TMEM150B: variants seen among roughly 807,000 people sequenced by gnomAD.
The protein encoded by TMEM150B is modulator of macroautophagy TMEM150B.
TMEM150B carries 33 observed loss-of-function variants against 25.2 expected under a neutral mutation model. That is an observed-to-expected ratio of 1.31 (90% CI 0.99 to 1.75). The LOEUF (loss-of-function observed/expected upper bound fraction) is 1.75. Among genes scored for constraint, TMEM150B ranks in the 40% most tolerant of loss-of-function variants. The pLI, the probability that TMEM150B is intolerant of heterozygous loss-of-function variation, is 0.00. For synonymous variants in TMEM150B, 133 were observed against 134.8 expected, an observed-to-expected ratio of 0.99 and a Z score of 0.09; for missense variants, 322 against 306.1, an observed-to-expected ratio of 1.05 and a Z score of -0.39.
chr19:55,320,006 C>CGGGACAGACCCTGGGCGCCGACT, intron 6 of TMEM150B, 33 bp downstream of exon 6: 2 of 1,613,538 alleles, frequency 1.2e-6, no homozygotes, highest in Non-Finnish European at 1.7e-6. Flanking sequence ...AGACGCCGGC[C>CGGGACAGACCCTGGGCGCCGACT]GGGACAGACC....
chr19:55,319,647 T>C (rs527254257), intron 6 of TMEM150B: 2 of 650,150 alleles, frequency 3.1e-6, no homozygotes, highest in South Asian at 1.1e-4. Flanking sequence ...GGTTTCACCA[T>C]GTTGGTTGGC....
downstream of TMEM150B, chr19:55,312,563 G>GATA (rs915859703): frequency 4.5e-4 from 41 of 92,108 alleles, no homozygotes; most frequent in Non-Finnish European, 7.8e-4. Context: ...AAAAAAAAAA[G>GATA]ATAATAATAA....
intron 6 of TMEM150B, among the ~76,000 whole-genome samples, chr19:55,318,442 G>A (rs940179237): frequency 3.3e-5 from 5 of 152,124 alleles, no homozygotes; most frequent in Middle Eastern, 3.4e-3. Context: ...GACCAGCCTG[G>A]CCAATATGGT....
chr19:55,321,957 C>A (rs2089217915), intron 2 of TMEM150B, among the ~76,000 whole-genome samples: 1 of 152,196 alleles, frequency 6.6e-6, no homozygotes, highest in Non-Finnish European at 1.5e-5. Context: ...GTTCCCCAGG[C>A]AGGCTGAGCA....
intron 6 of TMEM150B, among the ~76,000 whole-genome samples, chr19:55,318,842 C>T (rs576396507): frequency 6.6e-6 from 1 of 152,302 alleles, no homozygotes; most frequent in Non-Finnish European, 1.5e-5. Flanking sequence ...ACTCTGTTCA[C>T]CAGGCTGGAG....
At position 55,324,388 on chromosome 19, in the gene TMEM150B, G is replaced by A. The variant is rs538187415; in HGVS notation, c.-154+884C>T. On this transcript the variant is annotated intron_variant, in intron 1 of 7. Transcript: ENST00000326652. ...TGGGTGGCCGGGCATGGTGGCTCAC[G>A]CCTGCAATCCCAGCACTTTGGGAGG... 3.3e-5 allele frequency among the ~76,000 whole-genome samples: 5 copies of A among 151,798 alleles called. No individual in the cohort carries two copies. In the East Asian group the frequency reaches 5.9e-4, roughly 18 times the overall value.
chr19:55,309,861 A>T (rs939700104), downstream of TMEM150B, among the ~76,000 whole-genome samples: 2 of 152,212 alleles, frequency 1.3e-5, no homozygotes, highest in African/African-American at 4.8e-5. Flanking sequence ...CAGGGGACAC[A>T]GTGAAACAGG....
At chr19:55,321,116 G>C in intron 2 of TMEM150B, 23 bp from the exon 3 acceptor site, 1 of 1,522,268 alleles carries the variant, frequency 6.6e-7, no homozygotes, top group South Asian at 1.3e-5. Flanking sequence ...CCCTCAAGGA[G>C]GGCCCAGGTG....
downstream of TMEM150B, among the ~76,000 whole-genome samples, chr19:55,311,119 A>G (rs377571862): frequency 1.1e-4 from 16 of 151,854 alleles, no homozygotes; most frequent in South Asian, 3.3e-3. Context: ...GTGCCACCAC[A>G]CCCGGCTAAT....
At position 55,320,597 on chromosome 19, in the gene TMEM150B, T is replaced by C; in HGVS notation, c.89A>G (p.Asn30Ser). ...GCCTTTACTGAGGTCCACAGTCCTG[T>C]TGGTCACTGCAATGGCAAAACTACG... is the stretch of plus-strand genomic sequence containing the variant. Reference protein sequence around the residue: ...VWIVFAIAVTNRTVDLSKGFP... With the variant: ...VWIVFAIAVTSRTVDLSKGFP... Residue 30 changes from asparagine (N) to serine (S), a missense_variant, in exon 4 of 8, where the codon AAC becomes AGC. Coordinates refer to ENST00000326652, the MANE Select transcript of TMEM150B (RefSeq NM_001282011.2). The C allele has an allele frequency of 1.9e-6, 3 of 1,613,864 alleles. No individual in the cohort carries two copies. Among genetic ancestry groups the C allele is most frequent in the Non-Finnish European group, 2.5e-6 (3 of 1,179,946 alleles).
intron 6 of TMEM150B, among the ~76,000 whole-genome samples, chr19:55,318,280 T>A (rs756688825): frequency 3.3e-5 from 5 of 152,100 alleles, no homozygotes; most frequent in Non-Finnish European, 7.3e-5. Context: ...GAGAATCACT[T>A]GAGCCCGGGA....
chr19:55,318,073 G>A (rs1003972569), intron 6 of TMEM150B, among the ~76,000 whole-genome samples: 8 of 151,982 alleles, frequency 5.3e-5, no homozygotes, highest in African/African-American at 1.9e-4. Flanking sequence ...ATAATAATAG[G>A]TTGAGGGCTG....
intron 2 of TMEM150B, 143 bp from the exon 3 acceptor site, chr19:55,321,236 C>T (rs940185820): frequency 3.3e-6 from 4 of 1,227,334 alleles, no homozygotes; most frequent in Non-Finnish European, 4.3e-6. Context: ...ATTTCCCCAC[C>T]TATCCCGCAG....
At chr19:55,325,001 G>T in intron 1 of TMEM150B, 1 of 437,826 alleles carries the variant, frequency 2.3e-6, no homozygotes, top group Non-Finnish European at 3.0e-6. Context: ...CTCCTGCCCT[G>T]CCCTGTCCTG....
In TMEM150B at chr19:55,313,024, G is replaced by A. The variant is rs779956835; in HGVS notation, c.537C>T (p.Ser179=). The A allele has an allele frequency of 2.5e-6, 4 of 1,613,008 alleles. No homozygotes were observed. The highest frequency in any genetic ancestry group is 2.2e-5 in the East Asian group (1 of 44,880). ...MIVLHACSLR[S]VSAACEWVVA... is the part of the protein sequence containing the mutation. ...CGACCCACTCGCAGGCCGCAGAGAC[G>A]CTACGCAGCGAGCAGGCGTGGAGGA... The change falls in exon 8 of 8, where the codon AGC becomes AGT. Residue 179 remains serine (S), a synonymous_variant. Transcript: ENST00000326652.
At chr19:55,310,295 C>T (rs1173510466), downstream of TMEM150B, among the ~76,000 whole-genome samples, 3 of 152,146 alleles carry the variant, frequency 2.0e-5, no homozygotes, top group Non-Finnish European at 4.4e-5. The surrounding 1 kb of genome is among the most constrained non-coding windows in gnomAD (Gnocchi z 5.0). Context: ...TGTTCCAGTT[C>T]CTAGGCGCTC....
chr19:55,312,505 GCGTC>G (rs1184957652), downstream of TMEM150B: 1 of 161,538 alleles, frequency 6.2e-6, no homozygotes, highest in Non-Finnish European at 1.1e-5. Flanking sequence ...GATCCTGCCT[GCGTC>G]CGTGTCTCTG....
chr19:55,320,358 G>A (rs757320006), intron 5 of TMEM150B, 33 bp downstream of exon 5: 13 of 1,515,360 alleles, frequency 8.6e-6, no homozygotes, highest in Admixed American at 6.8e-5. Context: ...CTGGGCTTGG[G>A]AGCACTGAAC....
rs1227600844 is a variant in TMEM150B at position 55,316,941 on chromosome 19, A to G, written c.350T>C (p.Leu117Ser). 1.2e-6 allele frequency: 2 copies of G among 1,604,934 alleles called. No homozygotes were observed. Among genetic ancestry groups the G allele is most frequent in the Admixed American group, 3.5e-5 (2 of 56,956 alleles). The change falls in exon 7 of 8, where the codon TTG becomes TCG. Residue 117 changes from leucine to serine, a missense_variant. Physicochemically the swap from Leu to Ser is moderately radical, Grantham distance 145 (BLOSUM62 -2). Coordinates refer to ENST00000326652, the MANE Select transcript of TMEM150B (RefSeq NM_001282011.2). ...GATGAAGGCAAGGAAGGCCCCTGCC[A>G]AGTGCGTAGGCCGCTGGTTCTTTTC... ...FQEKNQRPTH[L>S]AGAFLAFILG...
Sources: allele counts gnomAD v4.1 joint callset (sites outside exome capture counted in the v4.1 genomes callset), GRCh38; gene constraint gnomAD v4.1.1; non-coding constraint Gnocchi (gnomAD v3.1); transcripts MANE v1.5; gene names NCBI Gene and HGNC (gene_info 2026-07-23, HGNC 2026-07-21).